MYO5B: variants seen among roughly 807,000 people sequenced by gnomAD.
MYO5B encodes myosin VB.
Under a neutral mutation model 229.3 loss-of-function variants are expected in MYO5B, and 143 were observed. The observed-to-expected ratio is 0.62, with a 90% CI of 0.54 to 0.72. The LOEUF (loss-of-function observed/expected upper bound fraction) is 0.72, where lower values mean the gene tolerates loss of function less well. MYO5B is among the 30% of genes least tolerant of loss of function. MYO5B has a pLI of 0.00. For missense variants in MYO5B, 2,321 were observed against 2,331.0 expected, an observed-to-expected ratio of 1.00 and a Z score of 0.09; for synonymous variants, 918 against 885.2, an observed-to-expected ratio of 1.04 and a Z score of -0.66.
chr18:49,963,083 C>T, intron 10 of MYO5B, 53 bp from the exon 11 acceptor site: 5 of 1,468,966 alleles, frequency 3.4e-6, no homozygotes, highest in Non-Finnish European at 4.8e-6. Flanking sequence ...AAAGGAATCA[C>T]TGGGACTTCA....
At chr18:49,997,207 G>A (rs1287583452) in intron 5 of MYO5B, among the ~76,000 whole-genome samples, 1 of 146,106 alleles carries the variant, frequency 6.8e-6, no homozygotes, top group Non-Finnish European at 1.5e-5. Context: ...GGAAGAGACT[G>A]CAGTGATCGT....
chr18:50,143,097 G>A (rs1396880468), intron 1 of MYO5B, among the ~76,000 whole-genome samples: 4 of 152,168 alleles, frequency 2.6e-5, no homozygotes, highest in African/African-American at 4.8e-5. Flanking sequence ...AGCATTTAAC[G>A]TTTCTATTAA....
intron 1 of MYO5B, among the ~76,000 whole-genome samples, chr18:50,183,403 T>C (rs940780914): frequency 6.6e-6 from 1 of 150,508 alleles, no homozygotes; most frequent in Non-Finnish European, 1.5e-5. Flanking sequence ...TATGTATTCC[T>C]CTCTAAAGCA....
intron 1 of MYO5B, among the ~76,000 whole-genome samples, chr18:50,110,753 G>A (rs760339368): frequency 4.6e-5 from 7 of 152,112 alleles, no homozygotes; most frequent in Non-Finnish European, 8.8e-5. Context: ...ATGGATTAGC[G>A]AGAATGATGA....
At chr18:50,044,077 A>C (rs1460200391) in intron 2 of MYO5B, among the ~76,000 whole-genome samples, 1 of 152,320 alleles carries the variant, frequency 6.6e-6, no homozygotes, top group Admixed American at 6.5e-5. Flanking sequence ...GCAAACACAC[A>C]TGCAGTTTTG....
chr18:50,087,444 G>C (rs373743241), intron 1 of MYO5B, among the ~76,000 whole-genome samples: 1 of 151,708 alleles, frequency 6.6e-6, no homozygotes, highest in African/African-American at 2.4e-5. Flanking sequence ...GTGGTGGCAC[G>C]CGCCTGTAAT....
intron 1 of MYO5B, among the ~76,000 whole-genome samples, chr18:50,142,837 G>A (rs1047672536): frequency 3.9e-5 from 6 of 152,154 alleles, no homozygotes; most frequent in Non-Finnish European, 7.3e-5. Flanking sequence ...CAAGTGCACC[G>A]AGGCATACCA....
intron 1 of MYO5B, among the ~76,000 whole-genome samples, chr18:50,183,261 G>A (rs1477979176): frequency 1.4e-5 from 2 of 142,500 alleles, no homozygotes. Flanking sequence ...AATTATTCTA[G>A]ACTGTTTTCT....
chr18:50,036,929 T>C lies in MYO5B; in HGVS notation c.376A>G (p.Thr126Ala), dbSNP rs1815930. 1,607,240 of 1,614,124 alleles carry C rather than the reference T, an allele frequency of 1. 800,410 individuals are homozygous for C. The highest frequency in any genetic ancestry group is 1 in the East Asian group (44,872 of 44,872). ...TCTCCCATGTTTTGGCCACTGTAGG[T>C]ATAGATGACATCTTGTCCATAGATT... The part of the protein sequence containing the change: ...LPIYGQDVIY[T>A]YSGQNMGDMD... Residue 126 changes from threonine to alanine, a missense_variant, in exon 4 of 40, where the codon ACC becomes GCC. By Grantham distance (58) the Thr-to-Ala change is moderately conservative. Coordinates refer to ENST00000285039, the MANE Select transcript of MYO5B (RefSeq NM_001080467.3).
chr18:49,914,398 T>G (rs115242806), intron 17 of MYO5B, among the ~76,000 whole-genome samples: 1 of 152,140 alleles, frequency 6.6e-6, no homozygotes, highest in Non-Finnish European at 1.5e-5. Flanking sequence ...TTTCGAGATA[T>G]TAAAAGAGAG....
At chr18:49,828,596 T>C (rs374170183) in intron 39 of MYO5B, among the ~76,000 whole-genome samples, 2 of 152,146 alleles carry the variant, frequency 1.3e-5, no homozygotes, top group African/African-American at 4.8e-5. Context: ...CAAACACATA[T>C]GGAACACCCC....
chr18:49,899,182 A>G (rs965108285), intron 21 of MYO5B, among the ~76,000 whole-genome samples: 19 of 152,052 alleles, frequency 1.2e-4, no homozygotes, highest in Non-Finnish European at 2.6e-4. Flanking sequence ...GTGTTCGCAG[A>G]TCCTCCCCTT....
intron 17 of MYO5B, among the ~76,000 whole-genome samples, chr18:49,912,385 G>A (rs529559250): frequency 7.2e-5 from 11 of 152,256 alleles, no homozygotes; most frequent in Admixed American, 5.9e-4. Flanking sequence ...GTGGCTGGAG[G>A]GCTGGAAAAA....
At chr18:50,164,371 C>T (rs2032813165) in intron 1 of MYO5B, among the ~76,000 whole-genome samples, 1 of 152,184 alleles carries the variant, frequency 6.6e-6, no homozygotes, top group Non-Finnish European at 1.5e-5. Flanking sequence ...GTCAAAGCTG[C>T]TAATCCATCT....
At chr18:49,984,917 T>C in intron 7 of MYO5B, 92 bp from the exon 8 acceptor site, 1 of 892,332 alleles carries the variant, frequency 1.1e-6, no homozygotes, top group Non-Finnish European at 1.9e-6. Context: ...GTTAGCATGC[T>C]ATCCCAGACT....
At chr18:50,052,954 C>A (rs944118158) in intron 2 of MYO5B, among the ~76,000 whole-genome samples, 2 of 152,148 alleles carry the variant, frequency 1.3e-5, no homozygotes, top group African/African-American at 4.8e-5. Flanking sequence ...TGCAGTGAAA[C>A]CCACACTATT....
chr18:49,919,336 A>T (rs1183817486), intron 17 of MYO5B, among the ~76,000 whole-genome samples: 1 of 152,240 alleles, frequency 6.6e-6, no homozygotes, highest in Non-Finnish European at 1.5e-5. Context: ...CTTCAAAATT[A>T]AAAGCTTTTG....
Position 50,022,739 on chromosome 18 carries a change from C to T in MYO5B, c.455+14111G>A, listed in dbSNP as rs191721252. 2.6e-5 allele frequency among the ~76,000 whole-genome samples: 4 copies of T among 152,266 alleles called. No homozygotes were observed. In the East Asian group the frequency reaches 7.7e-4, roughly 29 times the overall value. On this transcript the variant is annotated intron_variant, in intron 4 of 39. Transcript: ENST00000285039. ...ATTCAGGATGTAAAGTGACAGAAGTCCCACTTGCCACAGGGGACTGGGAGG... is the reference window on the plus strand; with the variant it reads ...ATTCAGGATGTAAAGTGACAGAAGTTCCACTTGCCACAGGGGACTGGGAGG...
chr18:49,828,581 C>T (rs1048457092), intron 39 of MYO5B, among the ~76,000 whole-genome samples: 4 of 152,082 alleles, frequency 2.6e-5, no homozygotes, highest in African/African-American at 9.7e-5. Flanking sequence ...ACCAATTAGT[C>T]CTAACAAACA....
Sources: gnomAD v4.1 joint callset for allele counts (sites outside exome capture counted in the v4.1 genomes callset) on GRCh38, gnomAD v4.1.1 for gene constraint, MANE v1.5 for transcripts, NCBI Gene and HGNC (gene_info 2026-07-23, HGNC 2026-07-21) for gene names.